The following SHQ1 variants were observed in gnomAD, a reference collection of about 807,000 sequenced individuals.
SHQ1 encodes the protein protein SHQ1 homolog.
SHQ1 carries 49 observed loss-of-function variants against 53.8 expected under a neutral mutation model. That is an observed-to-expected ratio of 0.91 (90% CI 0.72 to 1.16). The LOEUF (loss-of-function observed/expected upper bound fraction) is 1.16, where lower values mean the gene tolerates loss of function less well. SHQ1 is among the 50% of genes most tolerant of loss of function. The pLI, the probability that SHQ1 is intolerant of heterozygous loss-of-function variation, is 0.00. For missense variants in SHQ1, 738 were observed against 683.1 expected, an observed-to-expected ratio of 1.08 and a Z score of -0.90; for synonymous variants, 243 against 251.0, an observed-to-expected ratio of 0.97 and a Z score of 0.30.
chr3:72,759,428 C>T (rs1019377300), intron 10 of SHQ1, among the ~76,000 whole-genome samples: 1 of 152,328 alleles, frequency 6.6e-6, no homozygotes, highest in Non-Finnish European at 1.5e-5. Flanking sequence ...CAGCAGCTCA[C>T]ACCTGTAATC....
intron 10 of SHQ1, among the ~76,000 whole-genome samples, chr3:72,754,797 G>A (rs1476592676): frequency 6.6e-6 from 1 of 152,196 alleles, no homozygotes; most frequent in Non-Finnish European, 1.5e-5. Context: ...CAAAGGAACT[G>A]TGACTAATAT....
chr3:72,753,059 GTTTT>G, intron 10 of SHQ1: 4 of 985,182 alleles, frequency 4.1e-6, no homozygotes, highest in Non-Finnish European at 4.8e-6. Context: ...GCATTTAGTT[GTTTT>G]TTGTTTCTAA....
rs75800557 is a variant in SHQ1 at position 72,848,177 on chromosome 3, G to A, written c.143+21C>T. ...TATCTAACGAATGCGCCTTTCCTGC[G>A]GCCAGGCACCCCGAACTCGCCTGAG... On this transcript the variant is annotated intron_variant, in intron 1 of 10. Transcript: ENST00000325599. 3,112 of 1,613,916 alleles carry A rather than the reference G, an allele frequency of 1.9e-3. 45 individuals carry two copies. In the African/African-American group the frequency reaches 0.029, roughly 15 times the overall value.
At chr3:72,848,160 G>A (rs775287757) in intron 1 of SHQ1, 38 bp downstream of exon 1, 6 of 1,612,924 alleles carry the variant, frequency 3.7e-6, no homozygotes, top group Non-Finnish European at 8.5e-7. Context: ...GCTATCTAAC[G>A]AATGCGCCTT....
At chr3:72,810,982 G>C (rs1169646124) in intron 9 of SHQ1, among the ~76,000 whole-genome samples, 1 of 152,148 alleles carries the variant, frequency 6.6e-6, no homozygotes, top group Non-Finnish European at 1.5e-5. Context: ...TTGTCAGAGT[G>C]ATAATGAATA....
rs145978381 is a variant in SHQ1, at chr3:72,792,106, T to G, written c.1181+810A>C. On this transcript the variant is annotated intron_variant, in intron 10 of 10. Transcript: ENST00000325599. The stretch of plus-strand genomic sequence containing the variant: ...ATTATCAAGAATCATGCTATTAGGC[T>G]CTGCAGGTGGTAAGCCAGTGGCTAG... Among the ~76,000 whole-genome samples, 1,152 of 152,348 alleles carry G rather than the reference T, an allele frequency of 7.6e-3. 20 individuals are homozygous for G. Among genetic ancestry groups the G allele is most frequent in the African/African-American group, 0.026 (1,084 of 41,576 alleles).
intron 6 of SHQ1, 98 bp from the exon 7 acceptor site, chr3:72,817,482 G>A: frequency 1.7e-6 from 2 of 1,152,058 alleles, no homozygotes; most frequent in South Asian, 1.6e-5. Flanking sequence ...TATAGAAACT[G>A]AAATAAAAGT....
chr3:72,730,007 AC>A, the SHQ1 span, among the ~76,000 whole-genome samples: 1 of 151,130 alleles, frequency 6.6e-6, no homozygotes, highest in Non-Finnish European at 1.5e-5. Flanking sequence ...TTTAGTAGAG[AC>A]GGGGTTTCAC....
chr3:72,739,502 T>C, the SHQ1 span, among the ~76,000 whole-genome samples: 1 of 152,186 alleles, frequency 6.6e-6, no homozygotes, highest in African/African-American at 2.4e-5. Context: ...AAGATGGGGT[T>C]CGGAAGCCAA....
At chr3:72,759,495 A>G (rs1310182523) in intron 10 of SHQ1, among the ~76,000 whole-genome samples, 2 of 152,150 alleles carry the variant, frequency 1.3e-5, no homozygotes, top group Non-Finnish European at 2.9e-5. Context: ...GTTCGAGACC[A>G]GCCTGGCCAA....
chr3:72,816,509 G>T (rs1707322233), intron 7 of SHQ1, among the ~76,000 whole-genome samples: 1 of 151,714 alleles, frequency 6.6e-6, no homozygotes, highest in South Asian at 2.1e-4. Context: ...TAGAAAGGCT[G>T]TTTTTTTTGG....
At position 72,838,604 on chromosome 3, in the gene SHQ1, C is replaced by T. The variant is rs1708066849; in HGVS notation, c.486+2441G>A. ...GCAACCTCTGCCTCCTGGGTTCAAGCGATTCTCCTGCCAGCCTCCAAAATG... is the reference window on the plus strand; with the variant it reads ...GCAACCTCTGCCTCCTGGGTTCAAGTGATTCTCCTGCCAGCCTCCAAAATG... On this transcript the variant is annotated intron_variant, in intron 4 of 10. Coordinates refer to ENST00000325599, the MANE Select transcript of SHQ1 (RefSeq NM_018130.3). 2.6e-5 allele frequency among the ~76,000 whole-genome samples: 4 copies of T among 152,258 alleles called. No homozygotes were observed. The South Asian group carries it at 8.3e-4, about 32-fold the overall frequency.
chr3:72,799,823 C>T lies in SHQ1; in HGVS notation c.1061-6787G>A, dbSNP rs139200048. Among the ~76,000 whole-genome samples, 855 of 152,122 alleles carry T rather than the reference C, an allele frequency of 5.6e-3. 8 individuals are homozygous for T. Among genetic ancestry groups the T allele is most frequent in the African/African-American group, 0.018 (755 of 41,482 alleles). On this transcript the variant is annotated intron_variant, in intron 9 of 10. Transcript: ENST00000325599. ...ATATGTCCCCTTTGCCTGGAATGTA[C>T]AACCCTCAATTCAACTCATGTACAA... is the stretch of plus-strand genomic sequence containing the variant.
At chr3:72,802,406 C>T (rs917785272) in intron 9 of SHQ1, among the ~76,000 whole-genome samples, 1 of 152,168 alleles carries the variant, frequency 6.6e-6, no homozygotes, top group Admixed American at 6.5e-5. Context: ...ATAAGCCTCT[C>T]ACCGGCTCCA....
intron 10 of SHQ1, among the ~76,000 whole-genome samples, chr3:72,768,634 A>C (rs950861669): frequency 2.0e-5 from 3 of 152,198 alleles, no homozygotes; most frequent in African/African-American, 7.2e-5. Context: ...GTGTCCAAAG[A>C]AGAAAACAAC....
At chr3:72,846,235 G>A in intron 1 of SHQ1, 1 of 1,535,098 alleles carries the variant, frequency 6.5e-7, no homozygotes, top group East Asian at 2.4e-5. Flanking sequence ...CGCAGCTACA[G>A]TCTCCATTCT....
At chr3:72,744,929 G>C (rs1379920934), downstream of SHQ1, among the ~76,000 whole-genome samples, 2 of 145,918 alleles carry the variant, frequency 1.4e-5, no homozygotes. Context: ...ACATTGGGGG[G>C]GGGGGGTGGT....
chr3:72,748,977 A>G (rs923218387), downstream of SHQ1, among the ~76,000 whole-genome samples: 49 of 150,350 alleles, frequency 3.3e-4, no homozygotes, highest in African/African-American at 1.0e-3. Context: ...ACACGCACAC[A>G]CACACACACA....
intron 1 of SHQ1, among the ~76,000 whole-genome samples, chr3:72,845,989 A>G (rs531253662): frequency 5.9e-5 from 9 of 152,226 alleles, no homozygotes; most frequent in Non-Finnish European, 1.0e-4. Flanking sequence ...TCTTTGTACA[A>G]GTTAATTATT....
Sources: allele counts gnomAD v4.1 joint callset (sites outside exome capture counted in the v4.1 genomes callset), GRCh38; gene constraint gnomAD v4.1.1; transcripts MANE v1.5; gene names NCBI Gene and HGNC (gene_info 2026-07-23, HGNC 2026-07-21).